TCAIM: variants seen among roughly 807,000 people sequenced by gnomAD.
TCAIM encodes T cell activation inhibitor, mitochondrial.
TCAIM carries 36 observed loss-of-function variants against 58.6 expected under a neutral mutation model. That is an observed-to-expected ratio of 0.61 (90% CI 0.47 to 0.81). The LOEUF is 0.81. Ranked by LOEUF, TCAIM falls within the 30% of genes least tolerant of loss-of-function variation. The pLI is 0.00. For synonymous variants in TCAIM, 172 were observed against 193.6 expected, an observed-to-expected ratio of 0.89 and a Z score of 0.93; for missense variants, 466 against 579.6, an observed-to-expected ratio of 0.80 and a Z score of 2.01.
At chr3:44,368,822 A>C (rs1264998214) in intron 5 of TCAIM, among the ~76,000 whole-genome samples, 1 of 152,194 alleles carries the variant, frequency 6.6e-6, no homozygotes, top group East Asian at 1.9e-4. Flanking sequence ...CAGGAGTTCA[A>C]AACCAGCCTG....
intron 4 of TCAIM, among the ~76,000 whole-genome samples, chr3:44,364,615 G>A (rs1262519330): frequency 6.6e-6 from 1 of 151,828 alleles, no homozygotes; most frequent in Non-Finnish European, 1.5e-5. Context: ...GGTGGCATGT[G>A]CCTGTAGTCC....
chr3:44,339,724 T>A (rs1399362952), intron 1 of TCAIM: 3 of 152,176 alleles, frequency 2.0e-5, no homozygotes, highest in Non-Finnish European at 4.4e-5. Context: ...CTTCCTGAGC[T>A]CTCCCCGCCC....
chr3:44,342,542 T>A (rs879735402), intron 1 of TCAIM, among the ~76,000 whole-genome samples: 20 of 152,148 alleles, frequency 1.3e-4, no homozygotes, highest in Non-Finnish European at 1.9e-4. Flanking sequence ...AATTTTTTTT[T>A]AAAAGACTTG....
At chr3:44,392,754 C>A in intron 5 of TCAIM, 101 bp from the exon 6 acceptor site, 1 of 1,148,476 alleles carries the variant, frequency 8.7e-7, no homozygotes, top group Non-Finnish European at 1.2e-6. Context: ...GATTCCAAGT[C>A]TTTGCTATTG....
intron 10 of TCAIM, among the ~76,000 whole-genome samples, chr3:44,406,711 G>A (rs1056482386): frequency 6.6e-6 from 1 of 152,178 alleles, no homozygotes; most frequent in Admixed American, 6.5e-5. Context: ...TCAGGGACAC[G>A]ACCATGGCAG....
At position 44,408,131 on chromosome 3, in the gene TCAIM, T is replaced by C. The variant is rs745527405; in HGVS notation, c.*449T>C. The C allele has an allele frequency of 6.6e-6, 1 of 152,558 alleles. No individual in the cohort carries two copies. The highest frequency in any genetic ancestry group is 2.1e-4 in the South Asian group (1 of 4,842). The allele number at this position is 152,558 out of a possible 1,614,324, so 9.5% of individuals were successfully genotyped here. A position where few individuals can be genotyped will look rare whatever the true frequency, so the allele number is the denominator to read the frequency against. On this transcript the variant is annotated 3_prime_UTR_variant, in exon 11 of 11. Coordinates refer to ENST00000342649, the MANE Select transcript of TCAIM (RefSeq NM_173826.4). ...ATGAAAGAACATATTTTTAGTGATATGTAAATGAAGGATTCTACAATAGTC... is the reference window on the plus strand; with the variant it reads ...ATGAAAGAACATATTTTTAGTGATACGTAAATGAAGGATTCTACAATAGTC...
chr3:44,396,070 C>T (rs1701928419), intron 6 of TCAIM, among the ~76,000 whole-genome samples: 1 of 152,222 alleles, frequency 6.6e-6, no homozygotes, highest in African/African-American at 2.4e-5. Context: ...GTCATTGTAA[C>T]AATGTGAAAA....
chr3:44,372,734 C>T (rs1261623915), intron 5 of TCAIM, among the ~76,000 whole-genome samples: 1 of 152,080 alleles, frequency 6.6e-6, no homozygotes, highest in Admixed American at 6.5e-5. Context: ...GCTGGGACTA[C>T]AGGCGCCTGC....
chr3:44,365,508 A>C (rs1416757506), intron 4 of TCAIM, among the ~76,000 whole-genome samples: 1 of 152,060 alleles, frequency 6.6e-6, no homozygotes, highest in Non-Finnish European at 1.5e-5. Context: ...TTGTATTTTT[A>C]GTAGAGACGG....
In TCAIM at chr3:44,367,540, T is replaced by G; in HGVS notation, c.404T>G (p.Val135Gly). The change falls in exon 5 of 11, where the codon GTT (valine) becomes GGT (glycine). Residue 135 changes from valine (V) to glycine (G), a missense_variant. Val to Gly is a moderately radical substitution (Grantham distance 109). Transcript: ENST00000342649. ...LYILNSCSLS[V>G]EHIQSLNTNM... ...ATTCTCAACTCCTGCAGTTTATCTG[T>G]TGAACATATCCAAAGCTTGAATACT... is the stretch of plus-strand genomic sequence containing the variant. 6.2e-7 allele frequency: 1 copy of G among 1,614,134 alleles called. No homozygotes were observed. Among genetic ancestry groups the G allele is most frequent in the Non-Finnish European group, 8.5e-7 (1 of 1,180,008 alleles).
intron 3 of TCAIM, 135 bp from the exon 4 acceptor site, chr3:44,361,230 G>A (rs938021139): frequency 5.6e-6 from 4 of 710,034 alleles, no homozygotes; most frequent in Non-Finnish European, 8.4e-6. Context: ...TTTTACCAAA[G>A]AGCTATGAAA....
In TCAIM at chr3:44,392,448, A is replaced by G. The variant is rs376475052; in HGVS notation, c.573-407A>G. Among the ~76,000 whole-genome samples, 25 of 152,212 alleles carry G rather than the reference A, an allele frequency of 1.6e-4. No homozygotes were observed. In the South Asian group the frequency reaches 5.0e-3, roughly 30 times the overall value. On this transcript the variant is annotated intron_variant, in intron 5 of 10. Transcript: ENST00000342649. Reference sequence around the variant, plus strand: ...ACCTAGGTACTAAGCCTAGTACCCAATAGTTGTTTTTACTGATCCTCTTCC... The same window carrying G: ...ACCTAGGTACTAAGCCTAGTACCCAGTAGTTGTTTTTACTGATCCTCTTCC...
chr3:44,382,649 C>G (rs1378407434), intron 5 of TCAIM, among the ~76,000 whole-genome samples: 2 of 152,084 alleles, frequency 1.3e-5, no homozygotes, highest in African/African-American at 4.8e-5. Flanking sequence ...TAGAAGAAAA[C>G]ATAGGGCAGA....
chr3:44,384,096 A>G (rs908028266), intron 5 of TCAIM, among the ~76,000 whole-genome samples: 6 of 152,096 alleles, frequency 3.9e-5, no homozygotes, highest in East Asian at 3.9e-4. Context: ...AGATTTCTCT[A>G]TTTCTTTTAT....
intron 1 of TCAIM, among the ~76,000 whole-genome samples, chr3:44,352,647 A>G (rs532360637): frequency 1.3e-5 from 2 of 152,274 alleles, no homozygotes; most frequent in South Asian, 2.1e-4. Flanking sequence ...CCCAAAGTCC[A>G]TGCTTTACCT....
In TCAIM at chr3:44,407,866, T is replaced by C; in HGVS notation, c.*184T>C. 2 of 606,178 alleles carry C rather than the reference T, an allele frequency of 3.3e-6. No individual in the cohort carries two copies. The highest frequency in any genetic ancestry group is 5.2e-6 in the Non-Finnish European group (2 of 388,128). 37.5% of individuals were successfully genotyped at this position (606,178 alleles called of 1,614,324 possible). On this transcript the variant is annotated 3_prime_UTR_variant, in exon 11 of 11. Coordinates refer to ENST00000342649, the MANE Select transcript of TCAIM (RefSeq NM_173826.4). The stretch of plus-strand genomic sequence containing the variant: ...GAGAGGTTTTATATGCCAGGCGTGG[T>C]GGCTCATGCCTGCGGTCCCAGCTAC...
chr3:44,364,376 T>A (rs999911030), intron 4 of TCAIM, among the ~76,000 whole-genome samples: 2 of 152,188 alleles, frequency 1.3e-5, no homozygotes, highest in African/African-American at 2.4e-5. Flanking sequence ...AGTAGTTCCA[T>A]TCCAAAAATG....
At chr3:44,401,124 G>A in intron 9 of TCAIM, 79 bp from the exon 10 acceptor site, 1 of 1,535,864 alleles carries the variant, frequency 6.5e-7, no homozygotes, top group Admixed American at 2.1e-5. Context: ...TTATTTTCCT[G>A]AAGACTAATA....
intron 4 of TCAIM, 69 bp from the exon 5 acceptor site, chr3:44,367,387 A>G (rs940736990): frequency 1.3e-6 from 2 of 1,492,358 alleles, no homozygotes; most frequent in Admixed American, 4.4e-5. Context: ...AAAGATTTTG[A>G]TTTTATATAT....
Sources: gnomAD v4.1 joint callset for allele counts (sites outside exome capture counted in the v4.1 genomes callset) on GRCh38, gnomAD v4.1.1 for gene constraint, MANE v1.5 for transcripts, NCBI Gene and HGNC (gene_info 2026-07-23, HGNC 2026-07-21) for gene names.